Variants in SEMA3E observed in about 807,000 individuals in gnomAD.
SEMA3E encodes semaphorin 3E.
A neutral mutation model predicts 93.6 loss-of-function variants in SEMA3E; 49 were observed. The ratio of observed to expected loss-of-function variants is 0.52; its 90% CI spans 0.42 to 0.66. SEMA3E has a LOEUF of 0.66. Among genes scored for constraint, SEMA3E ranks in the 30% least tolerant of loss-of-function variants. SEMA3E has a pLI of 0.00. For synonymous variants in SEMA3E, 363 were observed against 330.7 expected, an observed-to-expected ratio of 1.10 and a Z score of -1.06; for missense variants, 906 against 964.8, an observed-to-expected ratio of 0.94 and a Z score of 0.81.
At chr7:83,583,063 C>G (rs1792546146) in intron 1 of SEMA3E, among the ~76,000 whole-genome samples, 1 of 152,056 alleles carries the variant, frequency 6.6e-6, no homozygotes, top group Non-Finnish European at 1.5e-5. Flanking sequence ...ACTAAAATTA[C>G]TTATTGACAG....
At chr7:83,426,370 A>G (rs1788769413) in intron 4 of SEMA3E, among the ~76,000 whole-genome samples, 2 of 148,098 alleles carry the variant, frequency 1.4e-5, no homozygotes, top group Non-Finnish European at 3.0e-5. Flanking sequence ...TGTGATACAT[A>G]TACACCATGG....
chr7:83,409,646 T>C (rs933773723), intron 5 of SEMA3E, among the ~76,000 whole-genome samples: 4 of 152,152 alleles, frequency 2.6e-5, no homozygotes, highest in African/African-American at 9.6e-5. Context: ...ATTTCCAACT[T>C]AATATATCTA....
In SEMA3E at chr7:83,367,433, G is replaced by C; in HGVS notation, c.*153C>G. The C allele has an allele frequency of 1.3e-6, 1 of 750,778 alleles. No homozygotes were observed. 46.5% of individuals were successfully genotyped at this position (750,778 alleles called of 1,614,324 possible). The stretch of plus-strand genomic sequence containing the variant: ...ATGTAAAGTTTATCCAGTCAAATGA[G>C]TATGTAGAATAATTTATTATAACAC... On this transcript the variant is annotated 3_prime_UTR_variant, in exon 17 of 17. Transcript: ENST00000643230.
intron 1 of SEMA3E, among the ~76,000 whole-genome samples, chr7:83,549,549 T>C (rs1467088505): frequency 6.6e-6 from 1 of 152,166 alleles, no homozygotes; most frequent in Non-Finnish European, 1.5e-5. Flanking sequence ...TGTGCTCATA[T>C]TTAGGTATTT....
At chr7:83,411,331 T>C (rs1373819006) in intron 5 of SEMA3E, among the ~76,000 whole-genome samples, 1 of 152,110 alleles carries the variant, frequency 6.6e-6, no homozygotes, top group Non-Finnish European at 1.5e-5. Context: ...CAATATGAAC[T>C]GTATGACTTG....
chr7:83,368,602 A>G (rs778755712), intron 16 of SEMA3E, among the ~76,000 whole-genome samples: 2 of 152,068 alleles, frequency 1.3e-5, no homozygotes, highest in Non-Finnish European at 2.9e-5. Flanking sequence ...CATCCCTTAC[A>G]TTTTCATAGG....
At chr7:83,510,642 T>A (rs1790799048) in intron 1 of SEMA3E, among the ~76,000 whole-genome samples, 1 of 152,136 alleles carries the variant, frequency 6.6e-6, no homozygotes, top group Non-Finnish European at 1.5e-5. Flanking sequence ...AGAAAAAGGA[T>A]TTTTCGATAG....
intron 4 of SEMA3E, among the ~76,000 whole-genome samples, chr7:83,442,368 T>C (rs1789132318): frequency 6.6e-6 from 1 of 152,232 alleles, no homozygotes; most frequent in African/African-American, 2.4e-5. Flanking sequence ...ATCACTGGAC[T>C]GAAGAGATGT....
At chr7:83,535,272 C>G (rs1234539833) in intron 1 of SEMA3E, among the ~76,000 whole-genome samples, 2 of 152,078 alleles carry the variant, frequency 1.3e-5, no homozygotes, top group African/African-American at 4.8e-5. Context: ...TCCTTGCTTT[C>G]TAAGGAGGGG....
At chr7:83,643,557 C>T (rs574225228) in intron 1 of SEMA3E, among the ~76,000 whole-genome samples, 1 of 151,976 alleles carries the variant, frequency 6.6e-6, no homozygotes, top group Admixed American at 6.6e-5. Flanking sequence ...TTTAATAATT[C>T]ATAGAAACAT....
At chr7:83,603,727 C>T (rs1424208356) in intron 1 of SEMA3E, among the ~76,000 whole-genome samples, 1 of 152,118 alleles carries the variant, frequency 6.6e-6, no homozygotes, top group Non-Finnish European at 1.5e-5. Flanking sequence ...GAAGCAAATA[C>T]ATTCTAACCT....
intron 14 of SEMA3E, among the ~76,000 whole-genome samples, chr7:83,389,590 TACAC>T (rs1262532238): frequency 2.0e-5 from 3 of 151,008 alleles, no homozygotes; most frequent in Non-Finnish European, 2.9e-5. Flanking sequence ...CATATATACA[TACAC>T]ACATATATAC....
chr7:83,419,541 T>G (rs1788631298), intron 4 of SEMA3E, among the ~76,000 whole-genome samples: 1 of 152,194 alleles, frequency 6.6e-6, no homozygotes, highest in South Asian at 2.1e-4. Flanking sequence ...TAATGTATAC[T>G]CCTTCTAAGA....
chr7:83,478,880 C>A (rs546496177), intron 2 of SEMA3E, among the ~76,000 whole-genome samples: 1 of 152,288 alleles, frequency 6.6e-6, no homozygotes, highest in African/African-American at 2.4e-5. Context: ...TACAGATGTA[C>A]CTGGTTTTAA....
At chr7:83,585,518 A>C (rs1439454309) in intron 1 of SEMA3E, among the ~76,000 whole-genome samples, 2 of 152,178 alleles carry the variant, frequency 1.3e-5, no homozygotes, top group Non-Finnish European at 2.9e-5. Flanking sequence ...AAGAGATAAA[A>C]TATTACATGA....
At chr7:83,566,249 G>A (rs530916750) in intron 1 of SEMA3E, among the ~76,000 whole-genome samples, 1 of 150,136 alleles carries the variant, frequency 6.7e-6, no homozygotes, top group South Asian at 2.1e-4. Context: ...CTTGTGATCT[G>A]CCTGCTTCGG....
intron 5 of SEMA3E, among the ~76,000 whole-genome samples, chr7:83,409,762 TTTTA>T (rs749749691): frequency 1.3e-5 from 2 of 151,704 alleles, no homozygotes; most frequent in Non-Finnish European, 2.9e-5. Flanking sequence ...TATTTATAAA[TTTTA>T]TTTATTAGAA....
rs573069031 is a variant in SEMA3E at position 83,558,324 on chromosome 7, T to A, written c.116-68050A>T. 3.3e-5 allele frequency among the ~76,000 whole-genome samples: 5 copies of A among 152,304 alleles called. No individual in the cohort carries two copies. In the East Asian group the frequency reaches 9.6e-4, roughly 29 times the overall value. On this transcript the variant is annotated intron_variant, in intron 1 of 16. Coordinates refer to ENST00000643230, the MANE Select transcript of SEMA3E (RefSeq NM_012431.3). ...TGAAAAACATACCAGCCTTGATTTT[T>A]CAAAATGCACATTTTTCATATTGTT...
intron 1 of SEMA3E, among the ~76,000 whole-genome samples, chr7:83,495,804 A>G (rs1790479351): frequency 6.6e-6 from 1 of 151,990 alleles, no homozygotes; most frequent in Non-Finnish European, 1.5e-5. Context: ...AACTAGTGAA[A>G]ATAAGAATTC....
Sources: gnomAD v4.1 joint callset for allele counts (sites outside exome capture counted in the v4.1 genomes callset) on GRCh38, gnomAD v4.1.1 for gene constraint, MANE v1.5 for transcripts, NCBI Gene and HGNC (gene_info 2026-07-23, HGNC 2026-07-21) for gene names.